DLGAP1: variants seen among roughly 807,000 people sequenced by gnomAD.
DLGAP1 encodes disks large-associated protein 1.
A neutral mutation model predicts 90.8 loss-of-function variants in DLGAP1; 11 were observed. The ratio of observed to expected loss-of-function variants is 0.12; its 90% CI spans 0.08 to 0.20. DLGAP1 has a LOEUF of 0.20. DLGAP1 is among the 10% of genes least tolerant of loss of function. The pLI is 1.00. For synonymous variants in DLGAP1, 558 were observed against 540.7 expected (o/e 1.03, Z -0.44); for missense variants, 1,050 against 1,333.8 (o/e 0.79, Z 3.31).
chr18:4,247,787 T>C (rs1293087525), intron 1 of DLGAP1, among the ~76,000 whole-genome samples: 6 of 151,730 alleles, frequency 4.0e-5, no homozygotes, highest in Non-Finnish European at 1.5e-5. Flanking sequence ...AAAAAAAAAG[T>C]TATCCCATAT....
At chr18:4,083,687 G>A (rs568200855) in intron 2 of DLGAP1, among the ~76,000 whole-genome samples, 1 of 152,262 alleles carries the variant, frequency 6.6e-6, no homozygotes, top group South Asian at 2.1e-4. Context: ...TGCAGGGCAT[G>A]TGATGGGGTG....
chr18:4,156,305 T>C (rs1598500836), intron 1 of DLGAP1, among the ~76,000 whole-genome samples: 1 of 152,176 alleles, frequency 6.6e-6, no homozygotes, highest in Admixed American at 6.5e-5. Flanking sequence ...TGGTATAGCA[T>C]AGGTGATTGG....
chr18:3,725,076 T>C (rs1288790901), intron 7 of DLGAP1, among the ~76,000 whole-genome samples: 2 of 152,246 alleles, frequency 1.3e-5, no homozygotes, highest in African/African-American at 4.8e-5. Flanking sequence ...CTTTACCATC[T>C]GCCTCTCCCC....
intron 6 of DLGAP1, among the ~76,000 whole-genome samples, chr18:3,739,404 A>G (rs2062803743): frequency 6.9e-6 from 1 of 144,786 alleles, no homozygotes; most frequent in Non-Finnish European, 1.5e-5. Flanking sequence ...AGACTGGATT[A>G]AGAAAATGTG....
intron 1 of DLGAP1, among the ~76,000 whole-genome samples, chr18:4,209,772 T>C (rs1008492069): frequency 1.3e-5 from 2 of 152,178 alleles, no homozygotes; most frequent in Non-Finnish European, 2.9e-5. Context: ...CCAAGATCTA[T>C]GTTAGGTGGA....
intron 8 of DLGAP1, among the ~76,000 whole-genome samples, chr18:3,577,882 C>T (rs922580177): frequency 3.3e-5 from 5 of 152,122 alleles, no homozygotes; most frequent in South Asian, 4.1e-4. Flanking sequence ...GATATGAGAT[C>T]TCTGTCCAAA....
At chr18:3,762,552 C>T (rs2064016850) in intron 5 of DLGAP1, among the ~76,000 whole-genome samples, 1 of 152,072 alleles carries the variant, frequency 6.6e-6, no homozygotes, top group African/African-American at 2.4e-5. Context: ...GCTTCATATT[C>T]TGACTTCACT....
intron 9 of DLGAP1, among the ~76,000 whole-genome samples, chr18:3,546,900 TA>T (rs1158027378): frequency 6.6e-6 from 1 of 151,456 alleles, no homozygotes; most frequent in Non-Finnish European, 1.5e-5. Flanking sequence ...ACAGAAAAAC[TA>T]TACAGAAGAA....
At chr18:4,399,134 C>T (rs967064546) in intron 1 of DLGAP1, among the ~76,000 whole-genome samples, 17 of 152,226 alleles carry the variant, frequency 1.1e-4, no homozygotes, top group South Asian at 2.1e-4. Flanking sequence ...CAGGCCTAGA[C>T]GGACCCATTT....
At chr18:3,950,144 G>A (rs2072955691) in intron 3 of DLGAP1, among the ~76,000 whole-genome samples, 1 of 152,072 alleles carries the variant, frequency 6.6e-6, no homozygotes, top group Non-Finnish European at 1.5e-5. Flanking sequence ...AATAGCTTGA[G>A]TACCCCTAAA....
chr18:3,582,476 A>T (rs965896377), intron 7 of DLGAP1, among the ~76,000 whole-genome samples: 9 of 152,154 alleles, frequency 5.9e-5, no homozygotes, highest in African/African-American at 2.2e-4. Context: ...GGAAATATCA[A>T]TCTCTGAAAT....
In DLGAP1 at chr18:3,855,421, C is replaced by G. The variant is rs570874258; in HGVS notation, c.957+23691G>C. Among the ~76,000 whole-genome samples the G allele has an allele frequency of 6.1e-4, 93 of 152,056 alleles. 1 individual carries two copies. The highest frequency in any genetic ancestry group is 2.2e-3 in the African/African-American group (92 of 41,484). On this transcript the variant is annotated intron_variant, in intron 4 of 12. Coordinates refer to ENST00000315677, the MANE Select transcript of DLGAP1 (RefSeq NM_004746.4). ...ATGTAATAAACCTGCACATGTACCCCTTACCTAAAATAAAAGTAAAAAAAA... is the reference window on the plus strand; with the variant it reads ...ATGTAATAAACCTGCACATGTACCCGTTACCTAAAATAAAAGTAAAAAAAA...
At position 4,454,313 on chromosome 18, in the gene DLGAP1, T is replaced by C. The variant is rs1225073643; in HGVS notation, c.-267+693A>G. ...CCCGGCTCATTCAATTCGCTGAATG[T>C]CGGGTCTCCCGGCCCGCCCCGCGAT... On this transcript the variant is annotated intron_variant, in intron 1 of 12. Coordinates refer to ENST00000315677, the MANE Select transcript of DLGAP1 (RefSeq NM_004746.4). This position sits in a 1 kb window ranked among gnomAD's most constrained non-coding sequence, Gnocchi z 4.7. Among the ~76,000 whole-genome samples, 3 of 152,124 alleles carry C rather than the reference T, an allele frequency of 2.0e-5. No homozygotes were observed. Among genetic ancestry groups the C allele is most frequent in the Non-Finnish European group, 4.4e-5 (3 of 68,024 alleles).
At chr18:3,717,040 T>G (rs1311556506) in intron 7 of DLGAP1, among the ~76,000 whole-genome samples, 1 of 63,984 alleles carries the variant, frequency 1.6e-5, no homozygotes, top group Non-Finnish European at 2.8e-5. Context: ...TGAGTTTGCC[T>G]TTTTTTTTTT....
At chr18:3,572,190 C>T (rs559005403) in intron 8 of DLGAP1, among the ~76,000 whole-genome samples, 11 of 151,236 alleles carry the variant, frequency 7.3e-5, no homozygotes, top group Non-Finnish European at 1.2e-4. Flanking sequence ...GCGGTTCTCC[C>T]GCCTCAGCCT....
At chr18:3,754,738 A>AG (rs1358943751) in intron 5 of DLGAP1, among the ~76,000 whole-genome samples, 1 of 150,402 alleles carries the variant, frequency 6.6e-6, no homozygotes, top group East Asian at 1.9e-4. Context: ...AAAAAAAAAA[A>AG]AAAAAAAATT....
rs114255471 is a variant in DLGAP1 at position 4,159,528 on chromosome 18, C to T, written c.-266-8241G>A. On this transcript the variant is annotated intron_variant, in intron 1 of 12. Coordinates refer to ENST00000315677, the MANE Select transcript of DLGAP1 (RefSeq NM_004746.4). The stretch of plus-strand genomic sequence containing the variant: ...CTTCTTCTCTGTAGCCCTTTCTTCA[C>T]TCTTTTCCTATTTATCTGTTTTTCT... 1.1e-3 allele frequency among the ~76,000 whole-genome samples: 162 copies of T among 152,276 alleles called. 1 individual carries two copies. The highest frequency in any genetic ancestry group is 3.8e-3 in the African/African-American group (159 of 41,546).
intron 2 of DLGAP1, among the ~76,000 whole-genome samples, chr18:4,053,844 T>C (rs2143136466): frequency 6.6e-6 from 1 of 152,340 alleles, no homozygotes; most frequent in South Asian, 2.1e-4. Flanking sequence ...ATCCAGTATT[T>C]GGTATCATAT....
intron 1 of DLGAP1, among the ~76,000 whole-genome samples, chr18:4,247,100 A>C (rs1316392078): frequency 1.3e-5 from 2 of 150,510 alleles, no homozygotes; most frequent in East Asian, 3.9e-4. Context: ...GAAGGGAAGG[A>C]GGAGGAGAAG....
Sources: gnomAD v4.1 joint callset for allele counts (sites outside exome capture counted in the v4.1 genomes callset) on GRCh38, gnomAD v4.1.1 for gene constraint, Gnocchi (gnomAD v3.1) non-coding constraint, MANE v1.5 for transcripts, NCBI Gene and HGNC (gene_info 2026-07-23, HGNC 2026-07-21) for gene names.